The following IPMK variants were observed in gnomAD, a reference collection of about 807,000 sequenced individuals.
The protein encoded by IPMK is inositol polyphosphate multikinase, also known as inositol 1,3,4,6-tetrakisphosphate 5-kinase.
A neutral mutation model predicts 45.8 loss-of-function variants in IPMK; 17 were observed. The observed-to-expected ratio is 0.37, with a 90% CI of 0.25 to 0.56. The LOEUF is 0.56. IPMK is among the 20% of genes least tolerant of loss of function. IPMK has a pLI of 0.79. For synonymous variants in IPMK, 180 were observed against 184.3 expected (o/e 0.98, Z 0.19); for missense variants, 399 against 498.0 (o/e 0.80, Z 1.89).
chr10:58,238,303 A>T lies in IPMK; in HGVS notation c.191-489T>A, dbSNP rs1003066993. 2.4e-4 allele frequency among the ~76,000 whole-genome samples: 37 copies of T among 152,368 alleles called. 1 individual carries two copies. Among genetic ancestry groups the T allele is most frequent in the African/African-American group, 8.4e-4 (35 of 41,594 alleles). Reference sequence around the variant, plus strand: ...GCAACTAAAATATTTGCTGATTCAAATGCACTGTATACAACTGTATAGATA... The same window carrying T: ...GCAACTAAAATATTTGCTGATTCAATTGCACTGTATACAACTGTATAGATA... On this transcript the variant is annotated intron_variant, in intron 1 of 5. Transcript: ENST00000373935.
At chr10:58,260,024 T>C (rs1211074244) in intron 1 of IPMK, among the ~76,000 whole-genome samples, 3 of 152,138 alleles carry the variant, frequency 2.0e-5, no homozygotes, top group Admixed American at 6.6e-5. Context: ...ACGATAACTT[T>C]CCTGTGGAAA....
intron 1 of IPMK, among the ~76,000 whole-genome samples, chr10:58,245,031 T>A (rs1279628240): frequency 1.5e-5 from 2 of 137,728 alleles, no homozygotes; most frequent in African/African-American, 5.6e-5. Flanking sequence ...CACCCAAGAA[T>A]GATCAATAAA....
chr10:58,219,638 G>A (rs1838300274), intron 3 of IPMK, among the ~76,000 whole-genome samples: 1 of 152,150 alleles, frequency 6.6e-6, no homozygotes, highest in African/African-American at 2.4e-5. Context: ...GTATAGAGTG[G>A]AGCAGTATTT....
intron 4 of IPMK, among the ~76,000 whole-genome samples, chr10:58,203,037 C>G (rs188315264): frequency 1.2e-3 from 184 of 152,174 alleles, no homozygotes; most frequent in African/African-American, 4.2e-3. Context: ...AATTGAAAAC[C>G]TTTTGGAAAG....
intron 1 of IPMK, among the ~76,000 whole-genome samples, chr10:58,246,755 A>G (rs1171890008): frequency 6.6e-6 from 1 of 152,084 alleles, no homozygotes. Flanking sequence ...CAAGGACTTC[A>G]TGTCTAAAAC....
At chr10:58,234,549 A>C (rs992371357) in intron 2 of IPMK, among the ~76,000 whole-genome samples, 3 of 152,240 alleles carry the variant, frequency 2.0e-5, no homozygotes, top group Non-Finnish European at 4.4e-5. Context: ...AAACCTGACA[A>C]AAACAAGCAA....
At chr10:58,198,202 T>C (rs1252154378) in intron 5 of IPMK, among the ~76,000 whole-genome samples, 1 of 152,224 alleles carries the variant, frequency 6.6e-6, no homozygotes, top group Non-Finnish European at 1.5e-5. Flanking sequence ...ATAATATTGA[T>C]TAAGTCAATT....
At position 58,192,018 on chromosome 10, in the gene IPMK, GAAAA is replaced by G. The variant is rs1376151130; in HGVS notation, c.*4054_*4057del. 23 of 151,850 alleles carry G rather than the reference GAAAA, an allele frequency of 1.5e-4. No homozygotes were observed. Among genetic ancestry groups the G allele is most frequent in the African/African-American group, 5.3e-4 (22 of 41,378 alleles). 9.4% of individuals were successfully genotyped at this position (151,850 alleles called of 1,614,324 possible). On this transcript the variant is annotated 3_prime_UTR_variant, in exon 6 of 6. Transcript: ENST00000373935. ...TTTGATGACAAAATCTAAAATTAAAGAAAAGTCTTAAAAGCCTATAGTGACTTGT... is the reference window on the plus strand; with the variant it reads ...TTTGATGACAAAATCTAAAATTAAAGGTCTTAAAAGCCTATAGTGACTTGT...
rs145497306 is a variant in IPMK at position 58,237,156 on chromosome 10, T to C, written c.276+573A>G. On this transcript the variant is annotated intron_variant, in intron 2 of 5. Transcript: ENST00000373935. ...ACCCTTCTCCACCCAAGAGGCTGAC[T>C]TGAATCAACTGCATCAATGAGATCC... 3.3e-5 allele frequency among the ~76,000 whole-genome samples: 5 copies of C among 152,332 alleles called. No homozygotes were observed. The South Asian group carries it at 8.3e-4, about 25-fold the overall frequency.
chr10:58,221,289 C>G (rs1316327896), intron 3 of IPMK, among the ~76,000 whole-genome samples: 1 of 152,042 alleles, frequency 6.6e-6, no homozygotes, highest in Non-Finnish European at 1.5e-5. Context: ...TTTCCCAAAT[C>G]TCCTCACTTT....
chr10:58,231,070 G>A (rs542606553), intron 2 of IPMK, among the ~76,000 whole-genome samples: 23 of 152,168 alleles, frequency 1.5e-4, no homozygotes, highest in African/African-American at 5.3e-4. Context: ...GTGGAAGAAA[G>A]GGTATTGGTG....
intron 3 of IPMK, among the ~76,000 whole-genome samples, chr10:58,219,773 A>AT (rs919278329): frequency 1.1e-4 from 16 of 152,190 alleles, no homozygotes; most frequent in African/African-American, 3.6e-4. Flanking sequence ...AAGACTAAGT[A>AT]TTGTTGTCTG....
chr10:58,210,673 C>T (rs941982089), intron 4 of IPMK, among the ~76,000 whole-genome samples: 9 of 152,124 alleles, frequency 5.9e-5, no homozygotes, highest in African/African-American at 2.2e-4. Flanking sequence ...TTTTACGTGG[C>T]CCCCTAAATC....
At chr10:58,220,090 G>T (rs1456291119) in intron 3 of IPMK, among the ~76,000 whole-genome samples, 1 of 152,152 alleles carries the variant, frequency 6.6e-6, no homozygotes, top group African/African-American at 2.4e-5. Flanking sequence ...TCTGATACAA[G>T]CTTGGTCAGT....
intron 1 of IPMK, among the ~76,000 whole-genome samples, chr10:58,247,920 T>C (rs1218597647): frequency 1.3e-5 from 2 of 152,228 alleles, no homozygotes; most frequent in Non-Finnish European, 2.9e-5. Context: ...TAAAGCCCTC[T>C]AATTAGCTAG....
chr10:58,204,242 A>T (rs1269296980), intron 4 of IPMK, among the ~76,000 whole-genome samples: 1 of 152,302 alleles, frequency 6.6e-6, no homozygotes, highest in African/African-American at 2.4e-5. Flanking sequence ...AGATATTTGT[A>T]ATAAAAGTTA....
chr10:58,224,908 C>G (rs1008220216), intron 3 of IPMK, among the ~76,000 whole-genome samples: 1 of 152,154 alleles, frequency 6.6e-6, no homozygotes, highest in Non-Finnish European at 1.5e-5. Flanking sequence ...TCTTCTATTT[C>G]TTTCATTTGC....
At chr10:58,205,661 T>C (rs553157094) in intron 4 of IPMK, among the ~76,000 whole-genome samples, 125 of 152,158 alleles carry the variant, frequency 8.2e-4, no homozygotes, top group Non-Finnish European at 1.6e-3. Context: ...CAATTGACTT[T>C]AGACACTTGG....
Position 58,196,597 on chromosome 10 carries a change from T to C in IPMK, c.730A>G (p.Lys244Glu), listed in dbSNP as rs781314381. 5 of 1,614,122 alleles carry C rather than the reference T, an allele frequency of 3.1e-6. No homozygotes were observed. Among genetic ancestry groups the C allele is most frequent in the Non-Finnish European group, 3.4e-6 (4 of 1,180,014 alleles). ...EKILQWFENQ[K>E]QLNFYASSLL... The stretch of plus-strand genomic sequence containing the variant: ...GAACTTGCGTAAAAATTAAGCTGCT[T>C]CTGGTTTTCAAACCACTGCAGAATT... The change falls in exon 6 of 6, where the codon AAG (lysine) becomes GAG (glutamate). Residue 244 changes from lysine (K) to glutamate (E), a missense_variant. Coordinates refer to ENST00000373935, the MANE Select transcript of IPMK (RefSeq NM_152230.5).
Sources: gnomAD v4.1 joint callset for allele counts (sites outside exome capture counted in the v4.1 genomes callset) on GRCh38, gnomAD v4.1.1 for gene constraint, MANE v1.5 for transcripts, NCBI Gene and HGNC (gene_info 2026-07-23, HGNC 2026-07-21) for gene names.